Variants in GALNT2 observed in about 807,000 individuals in gnomAD.
The protein encoded by GALNT2 is UDP-GalNAc:polypeptide N-acetylgalactosaminyltransferase 2.
GALNT2 carries 31 observed loss-of-function variants against 81.4 expected under a neutral mutation model. The observed-to-expected ratio is 0.38, with a 90% CI of 0.29 to 0.51. The LOEUF is 0.51. Ranked by LOEUF, GALNT2 falls within the 20% of genes least tolerant of loss-of-function variation. The pLI is 0.87. For synonymous variants in GALNT2, 303 were observed against 287.4 expected, an observed-to-expected ratio of 1.05 and a Z score of -0.55; for missense variants, 629 against 765.7, an observed-to-expected ratio of 0.82 and a Z score of 2.11.
In GALNT2 at chr1:230,280,148, G is replaced by A. The variant is rs553499344; in HGVS notation, c.*690G>A. On this transcript the variant is annotated 3_prime_UTR_variant, in exon 16 of 16. Transcript: ENST00000366672. Reference sequence around the variant, plus strand: ...TTGTATATTCCCCACAAAGCCGTTCGCAGCTTCCGGGAGAAGGGGCCAGAG... The same window carrying A: ...TTGTATATTCCCCACAAAGCCGTTCACAGCTTCCGGGAGAAGGGGCCAGAG... The A allele has an allele frequency of 1.9e-4, 74 of 382,642 alleles. No individual in the cohort carries two copies. The highest frequency in any genetic ancestry group is 1.2e-3 in the African/African-American group (60 of 48,064). The allele number at this position is 382,642 out of a possible 1,614,324, so 23.7% of individuals were successfully genotyped here.
chr1:230,231,772 C>T (rs909917323), intron 3 of GALNT2, among the ~76,000 whole-genome samples: 5 of 152,096 alleles, frequency 3.3e-5, no homozygotes, highest in Non-Finnish European at 5.9e-5. Context: ...TCCATTTTAC[C>T]GAACAGGAAG....
chr1:230,177,006 G>A (rs571747202), intron 1 of GALNT2, among the ~76,000 whole-genome samples: 3 of 152,308 alleles, frequency 2.0e-5, no homozygotes, highest in African/African-American at 7.2e-5. Flanking sequence ...AAACCCAGCT[G>A]TATCGCCTCA....
intron 10 of GALNT2, among the ~76,000 whole-genome samples, chr1:230,252,040 A>G (rs1185658171): frequency 6.6e-6 from 1 of 152,192 alleles, no homozygotes; most frequent in African/African-American, 2.4e-5. Flanking sequence ...ATCTCTGCCC[A>G]GGAAGGCTGG....
chr1:230,165,890 G>T (rs1301096088), intron 1 of GALNT2, among the ~76,000 whole-genome samples: 1 of 152,204 alleles, frequency 6.6e-6, no homozygotes, highest in African/African-American at 2.4e-5. Context: ...CTCATATTAG[G>T]CATGATGTGA....
chr1:230,274,327 T>A (rs1356517273), intron 14 of GALNT2, 118 bp from the exon 15 acceptor site: 1 of 1,353,752 alleles, frequency 7.4e-7, no homozygotes, highest in African/African-American at 1.5e-5. Flanking sequence ...GGCTCAGGGG[T>A]TCTGAATCTA....
intron 1 of GALNT2, among the ~76,000 whole-genome samples, chr1:230,067,635 C>G (rs942071960): frequency 6.6e-6 from 1 of 152,212 alleles, no homozygotes; most frequent in Admixed American, 6.5e-5. Flanking sequence ...TCTCTGCCCC[C>G]TCTCGTGGAC....
chr1:230,130,657 C>T (rs970080504), intron 1 of GALNT2, among the ~76,000 whole-genome samples: 26 of 152,172 alleles, frequency 1.7e-4, no homozygotes, highest in African/African-American at 6.0e-4. Context: ...ACAAGCAGCC[C>T]GGAGCTGCTG....
chr1:230,068,987 G>A (rs1659291300), intron 1 of GALNT2, among the ~76,000 whole-genome samples: 1 of 152,238 alleles, frequency 6.6e-6, no homozygotes, highest in South Asian at 2.1e-4. Flanking sequence ...GGTAAACTGT[G>A]CCTTGGCCAC....
At chr1:230,092,558 G>C (rs1660124725) in intron 1 of GALNT2, among the ~76,000 whole-genome samples, 1 of 152,030 alleles carries the variant, frequency 6.6e-6, no homozygotes, top group Admixed American at 6.6e-5. Context: ...TGGCCAGGCT[G>C]ATCTCGAACT....
chr1:230,234,023 G>C (rs1180366079), intron 3 of GALNT2, among the ~76,000 whole-genome samples: 1 of 152,120 alleles, frequency 6.6e-6, no homozygotes, highest in African/African-American at 2.4e-5. Flanking sequence ...GTGAACAGAG[G>C]TTATTTTATC....
chr1:230,206,364 T>A (rs1290869799), intron 3 of GALNT2, among the ~76,000 whole-genome samples: 1 of 152,058 alleles, frequency 6.6e-6, no homozygotes, highest in Non-Finnish European at 1.5e-5. Flanking sequence ...TTTAGGTGGG[T>A]TTAATTTTAG....
At chr1:230,110,140 C>A (rs1660659744) in intron 1 of GALNT2, among the ~76,000 whole-genome samples, 1 of 152,160 alleles carries the variant, frequency 6.6e-6, no homozygotes, top group Admixed American at 6.5e-5. Context: ...GTGAAAGTGT[C>A]CTTCCTTAAA....
At chr1:230,112,478 T>G (rs1303714132) in intron 1 of GALNT2, among the ~76,000 whole-genome samples, 4 of 152,070 alleles carry the variant, frequency 2.6e-5, no homozygotes, top group Non-Finnish European at 5.9e-5. Context: ...TATGCCTGTT[T>G]CTGACAGAGA....
At chr1:230,168,204 C>G (rs1415728756) in intron 1 of GALNT2, among the ~76,000 whole-genome samples, 1 of 152,154 alleles carries the variant, frequency 6.6e-6, no homozygotes, top group Non-Finnish European at 1.5e-5. Flanking sequence ...TAACTTAGGG[C>G]TAGAATTATA....
intron 1 of GALNT2, among the ~76,000 whole-genome samples, chr1:230,130,916 C>T (rs1038969903): frequency 2.0e-5 from 3 of 152,090 alleles, no homozygotes; most frequent in African/African-American, 7.2e-5. Flanking sequence ...GACTGCCCTG[C>T]GTCTCATGGG....
intron 2 of GALNT2, among the ~76,000 whole-genome samples, chr1:230,180,984 A>G (rs537725714): frequency 6.6e-6 from 1 of 152,316 alleles, no homozygotes; most frequent in South Asian, 2.1e-4. Flanking sequence ...GTAATTGTTT[A>G]TTAGTCCTAG....
intron 1 of GALNT2, among the ~76,000 whole-genome samples, chr1:230,088,078 G>A (rs945530814): frequency 2.0e-4 from 31 of 151,466 alleles, no homozygotes; most frequent in African/African-American, 6.6e-4. Context: ...ATCTCCCCCC[G>A]CCCCCAATGT....
intron 2 of GALNT2, among the ~76,000 whole-genome samples, chr1:230,191,262 C>A (rs74384584): frequency 3.9e-5 from 6 of 152,186 alleles, no homozygotes; most frequent in Non-Finnish European, 8.8e-5. Flanking sequence ...ACAGAGTGTT[C>A]AGGGATGCTG....
chr1:230,230,937 T>C lies in GALNT2; in HGVS notation c.375-5077T>C, dbSNP rs571149158. ...GGCCACATCCCCTCTCTGGGCCTTG[T>C]AGAGGTTCTTGAACTCTCCTTCTTA... On this transcript the variant is annotated intron_variant, in intron 3 of 15. Coordinates refer to ENST00000366672, the MANE Select transcript of GALNT2 (RefSeq NM_004481.5). Among the ~76,000 whole-genome samples, 8 of 152,198 alleles carry C rather than the reference T, an allele frequency of 5.3e-5. No homozygotes were observed. In the South Asian group the frequency reaches 1.5e-3, roughly 28 times the overall value.
Sources: gnomAD v4.1 joint callset for allele counts (sites outside exome capture counted in the v4.1 genomes callset) on GRCh38, gnomAD v4.1.1 for gene constraint, MANE v1.5 for transcripts, NCBI Gene and HGNC (gene_info 2026-07-23, HGNC 2026-07-21) for gene names.